The following GRM8 variants were observed in gnomAD, a reference collection of about 807,000 sequenced individuals.
The protein encoded by GRM8 is metabotropic glutamate receptor 8.
GRM8 carries 47 observed loss-of-function variants against 87.2 expected under a neutral mutation model. The ratio of observed to expected loss-of-function variants is 0.54; its 90% CI spans 0.43 to 0.69. GRM8 has a LOEUF of 0.69. Among genes scored for constraint, GRM8 ranks in the 30% least tolerant of loss-of-function variants. GRM8 has a pLI of 0.00. For missense variants in GRM8, 1,019 were observed against 1,139.2 expected (o/e 0.89, Z 1.52); for synonymous variants, 396 against 404.5 (o/e 0.98, Z 0.25).
intron 3 of GRM8, among the ~76,000 whole-genome samples, chr7:127,087,978 T>A (rs773038683): frequency 2.6e-4 from 39 of 152,172 alleles, no homozygotes; most frequent in Non-Finnish European, 4.9e-4. Flanking sequence ...ACACATGGAA[T>A]TCCATTTTTT....
intron 8 of GRM8, among the ~76,000 whole-genome samples, chr7:126,555,417 C>G (rs1793031697): frequency 6.6e-6 from 1 of 152,178 alleles, no homozygotes; most frequent in African/African-American, 2.4e-5. Flanking sequence ...CACTACCAGA[C>G]AATGCTAAGA....
intron 2 of GRM8, chr7:127,215,086 T>C (rs1042322870): frequency 6.6e-6 from 1 of 152,176 alleles, no homozygotes; most frequent in African/African-American, 2.4e-5. Context: ...TGTGAAGTCA[T>C]ATGTGGTTGA....
chr7:127,156,719 A>G (rs183383916), intron 2 of GRM8, among the ~76,000 whole-genome samples: 23 of 152,302 alleles, frequency 1.5e-4, no homozygotes, highest in African/African-American at 4.3e-4. Flanking sequence ...CTTACACCCA[A>G]TAAATCAGAA....
intron 3 of GRM8, among the ~76,000 whole-genome samples, chr7:127,047,182 TATTACCC>T (rs1819012844): frequency 1.3e-5 from 2 of 152,224 alleles, no homozygotes; most frequent in Non-Finnish European, 2.9e-5. Context: ...TCTGATAACA[TATTACCC>T]ATGGCTGCTT....
At chr7:126,839,264 G>T (rs1796062787) in intron 6 of GRM8, among the ~76,000 whole-genome samples, 2 of 152,158 alleles carry the variant, frequency 1.3e-5, no homozygotes, top group Non-Finnish European at 2.9e-5. Flanking sequence ...ATGGTCCATG[G>T]AATAGCAGCT....
chr7:126,581,688 T>C (rs1795624183), intron 8 of GRM8, among the ~76,000 whole-genome samples: 1 of 152,144 alleles, frequency 6.6e-6, no homozygotes, highest in Non-Finnish European at 1.5e-5. Flanking sequence ...CGAGCAAGTC[T>C]CTCAGCACCA....
intron 1 of GRM8, among the ~76,000 whole-genome samples, chr7:127,244,962 C>T (rs1798508559): frequency 6.6e-6 from 1 of 152,144 alleles, no homozygotes; most frequent in Admixed American, 6.5e-5. Flanking sequence ...ACACATTAAG[C>T]CTTAGATTTC....
At chr7:127,190,916 G>A (rs1228645808) in intron 2 of GRM8, among the ~76,000 whole-genome samples, 4 of 152,008 alleles carry the variant, frequency 2.6e-5, no homozygotes, top group Admixed American at 1.3e-4. Context: ...TTAGTCAAAT[G>A]GTCTGGTAAA....
chr7:126,865,740 A>G (rs1394734561), intron 6 of GRM8, among the ~76,000 whole-genome samples: 1 of 152,234 alleles, frequency 6.6e-6, no homozygotes, highest in Non-Finnish European at 1.5e-5. Context: ...AAGGTTTATC[A>G]ATGGTGTAAC....
At chr7:127,099,661 A>T (rs1329164891) in intron 3 of GRM8, among the ~76,000 whole-genome samples, 3 of 152,180 alleles carry the variant, frequency 2.0e-5, no homozygotes, top group Non-Finnish European at 4.4e-5. Context: ...TTCTCCATTA[A>T]CCAAATTCTG....
At chr7:126,788,420 A>AAAAACAAAAAAC in intron 6 of GRM8, among the ~76,000 whole-genome samples, 1 of 81,138 alleles carries the variant, frequency 1.2e-5, no homozygotes. Flanking sequence ...AAAAAAAAAA[A>AAAAACAAAAAAC]AAACCCTTTC....
chr7:126,893,707 G>A (rs1311461019), intron 6 of GRM8, among the ~76,000 whole-genome samples: 2 of 151,840 alleles, frequency 1.3e-5, no homozygotes, highest in African/African-American at 4.8e-5. Flanking sequence ...GCTCCTTGAG[G>A]GCAGATGTTT....
intron 2 of GRM8, chr7:127,111,254 C>T (rs1826320405): frequency 6.6e-6 from 1 of 152,182 alleles, no homozygotes; most frequent in Non-Finnish European, 1.5e-5. Flanking sequence ...GAATATTGGA[C>T]TTGCAAACTC....
intron 8 of GRM8, among the ~76,000 whole-genome samples, chr7:126,592,295 G>A (rs1324581883): frequency 6.6e-6 from 1 of 151,562 alleles, no homozygotes; most frequent in Non-Finnish European, 1.5e-5. Context: ...GCATCACCCT[G>A]ATACCAAAGC....
intron 2 of GRM8, among the ~76,000 whole-genome samples, chr7:127,212,136 C>T (rs1441738683): frequency 1.3e-5 from 2 of 152,116 alleles, no homozygotes; most frequent in Non-Finnish European, 2.9e-5. Flanking sequence ...TACACAAATA[C>T]AGCACTTTAG....
At chr7:126,538,686 A>G (rs1426831946) in intron 8 of GRM8, among the ~76,000 whole-genome samples, 1 of 152,060 alleles carries the variant, frequency 6.6e-6, no homozygotes, top group African/African-American at 2.4e-5. Flanking sequence ...TCAAAACTCA[A>G]TATTTCTGAC....
At chr7:126,750,264 A>AT (rs1197994912) in intron 7 of GRM8, among the ~76,000 whole-genome samples, 1 of 152,152 alleles carries the variant, frequency 6.6e-6, no homozygotes, top group African/African-American at 2.4e-5. Flanking sequence ...CCTTTTTTAA[A>AT]TTAAAAAAAT....
chr7:126,815,891 T>C (rs1793742697), intron 6 of GRM8, among the ~76,000 whole-genome samples: 1 of 152,072 alleles, frequency 6.6e-6, no homozygotes. Context: ...TGGGAAATGA[T>C]GACTATATGT....
intron 2 of GRM8, among the ~76,000 whole-genome samples, chr7:127,132,215 T>C (rs1026867647): frequency 6.6e-5 from 10 of 152,202 alleles, no homozygotes; most frequent in Non-Finnish European, 1.5e-4. Context: ...GAAGATGAAG[T>C]TGGGACACCC....
Sources: allele counts gnomAD v4.1 joint callset (sites outside exome capture counted in the v4.1 genomes callset), GRCh38; gene constraint gnomAD v4.1.1; transcripts MANE v1.5; gene names NCBI Gene and HGNC (gene_info 2026-07-23, HGNC 2026-07-21).